PRDM5: variants seen among roughly 807,000 people sequenced by gnomAD.
PRDM5 encodes the protein PR/SET domain 5, also known as PR domain zinc finger protein 5.
Under a neutral mutation model 81.2 loss-of-function variants are expected in PRDM5, and 56 were observed. That is an observed-to-expected ratio of 0.69 (90% CI 0.56 to 0.86). PRDM5 has a LOEUF of 0.86. Among genes scored for constraint, PRDM5 ranks in the 40% least tolerant of loss-of-function variants. The pLI, the probability that PRDM5 is intolerant of heterozygous loss-of-function variation, is 0.00. For missense variants in PRDM5, 697 were observed against 770.1 expected (o/e 0.91, Z 1.12); for synonymous variants, 267 against 256.4 (o/e 1.04, Z -0.39).
chr4:120,792,589 T>A (rs1750733130), intron 10 of PRDM5, among the ~76,000 whole-genome samples: 2 of 152,088 alleles, frequency 1.3e-5, no homozygotes, highest in Admixed American at 1.3e-4. Flanking sequence ...GAAAGTGAAA[T>A]CAGTTTGTCA....
intron 2 of PRDM5, among the ~76,000 whole-genome samples, chr4:120,868,183 A>G (rs1013308154): frequency 1.3e-5 from 2 of 152,204 alleles, no homozygotes; most frequent in Non-Finnish European, 2.9e-5. Context: ...AGAAGTGGAA[A>G]TGTTCCTATA....
chr4:120,877,882 G>T (rs1762475393), intron 2 of PRDM5, among the ~76,000 whole-genome samples: 1 of 152,148 alleles, frequency 6.6e-6, no homozygotes, highest in South Asian at 2.1e-4. Context: ...CTCATAAAAT[G>T]TGGCATGTAA....
chr4:120,826,228 T>C (rs1395315771), intron 3 of PRDM5, among the ~76,000 whole-genome samples: 1 of 152,154 alleles, frequency 6.6e-6, no homozygotes, highest in African/African-American at 2.4e-5. Context: ...TCCATCAAAC[T>C]AGTACACTTC....
intron 2 of PRDM5, among the ~76,000 whole-genome samples, chr4:120,857,267 A>G (rs1329220934): frequency 1.3e-5 from 2 of 152,208 alleles, no homozygotes; most frequent in Non-Finnish European, 2.9e-5. Flanking sequence ...CTGAGGCAGG[A>G]GAATCACTTG....
chr4:120,838,917 G>A (rs1757674880), intron 3 of PRDM5: 1 of 416,416 alleles, frequency 2.4e-6, no homozygotes, highest in Non-Finnish European at 4.4e-6. Flanking sequence ...TGTGGGGTCT[G>A]GCCAATGCAC....
chr4:120,885,362 A>T (rs1198258146), intron 2 of PRDM5: 1 of 152,134 alleles, frequency 6.6e-6, no homozygotes, highest in Non-Finnish European at 1.5e-5. Flanking sequence ...AACTTGGGTA[A>T]CATTAAGTTA....
chr4:120,890,456 C>A (rs1311291397), intron 2 of PRDM5, among the ~76,000 whole-genome samples: 1 of 152,146 alleles, frequency 6.6e-6, no homozygotes, highest in Non-Finnish European at 1.5e-5. Flanking sequence ...TATATCTAAA[C>A]CATATCAATT....
intron 12 of PRDM5, among the ~76,000 whole-genome samples, chr4:120,779,833 G>A (rs865960480): frequency 2.0e-5 from 3 of 151,962 alleles, no homozygotes; most frequent in African/African-American, 4.8e-5. Flanking sequence ...AACCCAGGAG[G>A]CACAGGTTGT....
intron 8 of PRDM5, among the ~76,000 whole-genome samples, chr4:120,801,298 G>C (rs1035573307): frequency 2.0e-5 from 3 of 151,998 alleles, no homozygotes; most frequent in African/African-American, 7.3e-5. Flanking sequence ...GTAATGAGTG[G>C]AGGACTCGGC....
intron 14 of PRDM5, among the ~76,000 whole-genome samples, chr4:120,710,655 G>A (rs774622550): frequency 6.6e-5 from 10 of 152,158 alleles, no homozygotes; most frequent in Non-Finnish European, 1.3e-4. Context: ...CCCCCATGCT[G>A]TTCTCATGAT....
rs771595522 is a variant in PRDM5, at chr4:120,811,420, C to A, written c.895G>T (p.Val299Leu). 3.1e-6 allele frequency: 5 copies of A among 1,601,802 alleles called. No individual in the cohort carries two copies. The Admixed American group carries it at 8.4e-5, about 27-fold the overall frequency. The change falls in exon 8 of 16, where the codon GTG becomes TTG. Residue 299 changes from valine (V) to leucine (L), a missense_variant. By Grantham distance (32) the Val-to-Leu change is conservative. This residue lies in a region of PRDM5 where 577 missense variants were observed against 606.7 expected (regional missense o/e 0.95). Coordinates refer to ENST00000264808, the MANE Select transcript of PRDM5 (RefSeq NM_018699.4). ...GDPKKKLICS[V>L]CNKKCSSASS... is the part of the protein sequence containing the mutation. Reference sequence around the variant, plus strand: ...GCTGAAGAACACTTTTTATTGCACACTGAACATATAAGCTTTTTCTTAGGA... The same window carrying A: ...GCTGAAGAACACTTTTTATTGCACAATGAACATATAAGCTTTTTCTTAGGA...
At chr4:120,840,274 T>G (rs928221825) in intron 3 of PRDM5, among the ~76,000 whole-genome samples, 1 of 152,174 alleles carries the variant, frequency 6.6e-6, no homozygotes, top group African/African-American at 2.4e-5. Context: ...CCATTGGCCC[T>G]GTGCTCAGGG....
chr4:120,795,151 C>A (rs183084070), intron 10 of PRDM5, among the ~76,000 whole-genome samples: 2 of 152,162 alleles, frequency 1.3e-5, no homozygotes, highest in Non-Finnish European at 2.9e-5. Context: ...AATAGGCACA[C>A]ACCTGTCCCC....
intron 15 of PRDM5, among the ~76,000 whole-genome samples, chr4:120,702,775 AAAG>A (rs1165903085): frequency 6.6e-6 from 1 of 152,216 alleles, no homozygotes; most frequent in African/African-American, 2.4e-5. Flanking sequence ...TCATAATCAT[AAAG>A]AAGATCGATT....
At chr4:120,884,825 G>C (rs978541065) in intron 2 of PRDM5, among the ~76,000 whole-genome samples, 1 of 151,950 alleles carries the variant, frequency 6.6e-6, no homozygotes, top group Non-Finnish European at 1.5e-5. Flanking sequence ...TGCCTGACTG[G>C]AATAAAAGCA....
chr4:120,922,091 C>A (rs1050585313), intron 1 of PRDM5, among the ~76,000 whole-genome samples: 2 of 152,226 alleles, frequency 1.3e-5, no homozygotes, highest in Admixed American at 1.3e-4. Context: ...GGAAAAGAGG[C>A]GACAGCGGAG....
chr4:120,806,042 T>C (rs2058842897), intron 8 of PRDM5, among the ~76,000 whole-genome samples: 1 of 152,150 alleles, frequency 6.6e-6, no homozygotes, highest in East Asian at 1.9e-4. Context: ...CAAGCATTCT[T>C]ATACACCAAT....
At chr4:120,885,028 G>A (rs181414100) in intron 2 of PRDM5, among the ~76,000 whole-genome samples, 2 of 150,240 alleles carry the variant, frequency 1.3e-5, no homozygotes, top group East Asian at 2.0e-4. Flanking sequence ...TGGGCTACTC[G>A]AGAGGCTGAG....
At chr4:120,828,177 G>A (rs941739322) in intron 3 of PRDM5, among the ~76,000 whole-genome samples, 1 of 152,042 alleles carries the variant, frequency 6.6e-6, no homozygotes, top group African/African-American at 2.4e-5. Flanking sequence ...CTTAAGCAAG[G>A]TTATCTTAAC....
Sources: gnomAD v4.1 joint callset for allele counts (sites outside exome capture counted in the v4.1 genomes callset) on GRCh38, gnomAD v4.1.1 for gene constraint, gnomAD v4.1.1 regional missense constraint, MANE v1.5 for transcripts, NCBI Gene and HGNC (gene_info 2026-07-23, HGNC 2026-07-21) for gene names.